ARNT2: variants seen among roughly 807,000 people sequenced by gnomAD.
The protein encoded by ARNT2 is ARNT protein 2.
A neutral mutation model predicts 91.7 loss-of-function variants in ARNT2; 36 were observed. The ratio of observed to expected loss-of-function variants is 0.39; its 90% CI spans 0.30 to 0.52. The LOEUF (loss-of-function observed/expected upper bound fraction) is 0.52, where lower values mean the gene tolerates loss of function less well. Among genes scored for constraint, ARNT2 ranks in the 20% least tolerant of loss-of-function variants. ARNT2 has a pLI of 0.72. For missense variants in ARNT2, 775 were observed against 939.3 expected, an observed-to-expected ratio of 0.83 and a Z score of 2.29; for synonymous variants, 365 against 347.1, an observed-to-expected ratio of 1.05 and a Z score of -0.57.
chr15:80,548,979 C>G (rs1257775987), intron 8 of ARNT2, among the ~76,000 whole-genome samples: 1 of 152,046 alleles, frequency 6.6e-6, no homozygotes, highest in African/African-American at 2.4e-5. Context: ...AATAGTCCTA[C>G]CAGACATTAA....
intron 6 of ARNT2, among the ~76,000 whole-genome samples, chr15:80,510,241 A>G (rs540446983): frequency 1.2e-4 from 19 of 152,238 alleles, no homozygotes; most frequent in African/African-American, 4.6e-4. Flanking sequence ...CTGAGTTGTC[A>G]TTCTCTAAGA....
chr15:80,441,798 T>C (rs1896195334), intron 1 of ARNT2, among the ~76,000 whole-genome samples: 2 of 152,356 alleles, frequency 1.3e-5, no homozygotes, highest in South Asian at 4.1e-4. Flanking sequence ...TGTAGCTAGA[T>C]GCTGCATTAT....
chr15:80,585,875 T>C (rs1013439087), intron 17 of ARNT2, among the ~76,000 whole-genome samples: 6 of 152,238 alleles, frequency 3.9e-5, no homozygotes, highest in Admixed American at 3.9e-4. Context: ...AAGCCACTTC[T>C]CTGCAGTACC....
chr15:80,474,783 A>G (rs1230674092), intron 4 of ARNT2, among the ~76,000 whole-genome samples: 1 of 151,600 alleles, frequency 6.6e-6, no homozygotes, highest in Non-Finnish European at 1.5e-5. Context: ...CAAAGGACTA[A>G]TGAAGATGGG....
intron 17 of ARNT2, among the ~76,000 whole-genome samples, chr15:80,590,137 G>T (rs1020155661): frequency 1.3e-5 from 2 of 152,164 alleles, no homozygotes; most frequent in Non-Finnish European, 2.9e-5. Context: ...TTAACGCAGT[G>T]CCCAGGCTGG....
intron 4 of ARNT2, among the ~76,000 whole-genome samples, chr15:80,472,073 T>C (rs1354605915): frequency 1.3e-5 from 2 of 150,194 alleles, no homozygotes; most frequent in African/African-American, 2.5e-5. Context: ...AATGAGGTGA[T>C]GGATTTGAAA....
intron 1 of ARNT2, among the ~76,000 whole-genome samples, chr15:80,420,358 A>G (rs1011908656): frequency 4.6e-5 from 7 of 152,192 alleles, no homozygotes; most frequent in Non-Finnish European, 1.5e-5. Flanking sequence ...ATGCCAGGCC[A>G]GATCATGTGA....
chr15:80,412,540 C>T (rs565285832), intron 1 of ARNT2, among the ~76,000 whole-genome samples: 151 of 152,090 alleles, frequency 9.9e-4, no homozygotes, highest in Non-Finnish European at 1.8e-3. Context: ...AGAATTATTT[C>T]GAGCATATTG....
At chr15:80,406,750 T>G (rs1026542208) in intron 1 of ARNT2, among the ~76,000 whole-genome samples, 18 of 152,214 alleles carry the variant, frequency 1.2e-4, no homozygotes, top group Non-Finnish European at 2.9e-5. Context: ...TGCTTTTCTC[T>G]GTTGACAGCT....
chr15:80,435,355 C>T (rs1595960561), intron 1 of ARNT2, among the ~76,000 whole-genome samples: 2 of 152,136 alleles, frequency 1.3e-5, no homozygotes, highest in African/African-American at 2.4e-5. Flanking sequence ...TCCAGGATTG[C>T]GGGCATAGTA....
intron 8 of ARNT2, among the ~76,000 whole-genome samples, chr15:80,529,474 T>C: frequency 6.6e-6 from 1 of 152,254 alleles, no homozygotes; most frequent in East Asian, 1.9e-4. Flanking sequence ...AGACCAGCTT[T>C]TATTATTTTT....
At chr15:80,558,092 G>A (rs978267444) in intron 11 of ARNT2, among the ~76,000 whole-genome samples, 2 of 152,070 alleles carry the variant, frequency 1.3e-5, no homozygotes, top group Non-Finnish European at 2.9e-5. Flanking sequence ...TCCCCTGAGG[G>A]AATGCCTTTC....
At chr15:80,513,770 C>A in intron 6 of ARNT2, 141 bp from the exon 7 acceptor site, 1 of 600,994 alleles carries the variant, frequency 1.7e-6, no homozygotes, top group Non-Finnish European at 2.9e-6. Context: ...TGCTTCTGCA[C>A]TTTTGAAGAA....
At chr15:80,580,293 T>G (rs1898767571) in intron 15 of ARNT2, 118 bp from the exon 16 acceptor site, 1 of 1,289,096 alleles carries the variant, frequency 7.8e-7, no homozygotes, top group Middle Eastern at 2.7e-4. Flanking sequence ...TCTAGTGACG[T>G]GCTGCATGGA....
chr15:80,490,844 A>AC (rs1175247401), intron 5 of ARNT2, among the ~76,000 whole-genome samples: 1 of 152,230 alleles, frequency 6.6e-6, no homozygotes, highest in Non-Finnish European at 1.5e-5. Flanking sequence ...ATGGAGCTTT[A>AC]CCCCAGGAAA....
At chr15:80,547,703 T>C (rs545738599) in intron 8 of ARNT2, among the ~76,000 whole-genome samples, 2 of 152,360 alleles carry the variant, frequency 1.3e-5, no homozygotes, top group East Asian at 3.9e-4. Flanking sequence ...AATAAAAATT[T>C]GAGTTTTGGA....
intron 5 of ARNT2, among the ~76,000 whole-genome samples, chr15:80,506,676 C>T (rs1897279906): frequency 6.6e-6 from 1 of 152,192 alleles, no homozygotes; most frequent in South Asian, 2.1e-4. Context: ...GAGGCTTTAT[C>T]AGCTGGAGAT....
At chr15:80,412,281 T>G (rs968039381) in intron 1 of ARNT2, among the ~76,000 whole-genome samples, 7 of 152,212 alleles carry the variant, frequency 4.6e-5, no homozygotes, top group African/African-American at 1.7e-4. Flanking sequence ...ACTGTTTTGG[T>G]TTCATTGTGA....
chr15:80,424,265 G>A (rs1264840368), intron 1 of ARNT2, among the ~76,000 whole-genome samples: 1 of 152,226 alleles, frequency 6.6e-6, no homozygotes, highest in East Asian at 1.9e-4. Flanking sequence ...TCTCTGGGTT[G>A]TCCCCAGAAG....
Sources: allele counts gnomAD v4.1 joint callset (sites outside exome capture counted in the v4.1 genomes callset), GRCh38; gene constraint gnomAD v4.1.1; transcripts MANE v1.5; gene names NCBI Gene and HGNC (gene_info 2026-07-23, HGNC 2026-07-21).